TUSC3: variants seen among roughly 807,000 people sequenced by gnomAD.
TUSC3 encodes the protein tumor suppressor candidate 3.
Under a neutral mutation model 44.8 loss-of-function variants are expected in TUSC3, and 45 were observed. The observed-to-expected ratio is 1.00, with a 90% CI of 0.79 to 1.29. TUSC3 has a LOEUF of 1.29. TUSC3 is among the 50% of genes most tolerant of loss of function. The probability of loss-of-function intolerance (pLI) is 0.00; values close to 1 mark genes in which losing one functional copy is unlikely to be tolerated. For missense variants in TUSC3, 519 were observed against 437.9 expected (o/e 1.19, Z -1.65); for synonymous variants, 212 against 152.9 (o/e 1.39, Z -2.85).
the TUSC3 span, among the ~76,000 whole-genome samples, chr8:15,784,667 A>G: frequency 6.6e-6 from 1 of 152,258 alleles, no homozygotes; most frequent in East Asian, 1.9e-4. Flanking sequence ...AGGCAGAGAA[A>G]GACAAATACT....
chr8:15,725,250 A>C (rs888904712), intron 6 of TUSC3, among the ~76,000 whole-genome samples: 1 of 152,166 alleles, frequency 6.6e-6, no homozygotes, highest in African/African-American at 2.4e-5. Context: ...ATTGTCTTCA[A>C]AATAGCTATT....
chr8:15,450,440 C>G (rs1012671334), intron 1 of TUSC3, among the ~76,000 whole-genome samples: 2 of 152,116 alleles, frequency 1.3e-5, no homozygotes, highest in Non-Finnish European at 2.9e-5. Flanking sequence ...AATCCCAGCA[C>G]TTGGGGAGAC....
chr8:15,542,259 G>GAA (rs772867049), intron 1 of TUSC3, among the ~76,000 whole-genome samples: 1 of 152,116 alleles, frequency 6.6e-6, no homozygotes, highest in African/African-American at 2.4e-5. Context: ...GTTATTAATA[G>GAA]AAAGGAATGT....
chr8:15,468,035 T>C (rs560415961), intron 1 of TUSC3, among the ~76,000 whole-genome samples: 1 of 152,184 alleles, frequency 6.6e-6, no homozygotes, highest in Non-Finnish European at 1.5e-5. Flanking sequence ...ATAGGTAAAA[T>C]ACTGATTAGT....
chr8:15,635,012 G>C (rs35920749), intron 2 of TUSC3, among the ~76,000 whole-genome samples: 30,573 of 152,050 alleles, frequency 0.2, 3,967 homozygotes, highest in Non-Finnish European at 0.29. Flanking sequence ...AGTAAAACAA[G>C]AGAACTCAGT....
chr8:15,593,322 G>A (rs1025878567), intron 1 of TUSC3, among the ~76,000 whole-genome samples: 6 of 152,058 alleles, frequency 3.9e-5, no homozygotes, highest in Non-Finnish European at 8.8e-5. Context: ...CTGACCTCAG[G>A]TGATCCGCCC....
chr8:15,606,194 C>T (rs542490177), intron 1 of TUSC3, among the ~76,000 whole-genome samples: 14 of 152,120 alleles, frequency 9.2e-5, no homozygotes, highest in African/African-American at 3.4e-4. Context: ...CCTGTGGTTG[C>T]TCCCATTTTA....
At chr8:15,477,538 T>C (rs544603007) in intron 1 of TUSC3, among the ~76,000 whole-genome samples, 1 of 151,920 alleles carries the variant, frequency 6.6e-6, no homozygotes, top group Non-Finnish European at 1.5e-5. Context: ...CTGGCTAACA[T>C]GGTGAAATCC....
intron 2 of TUSC3, among the ~76,000 whole-genome samples, chr8:15,503,779 A>G (rs1035724354): frequency 6.6e-6 from 1 of 152,012 alleles, no homozygotes; most frequent in African/African-American, 2.4e-5. Flanking sequence ...GAGGCGGGTG[A>G]ATCACTTGAG....
intron 6 of TUSC3, among the ~76,000 whole-genome samples, chr8:15,683,143 G>T (rs1808493304): frequency 6.6e-6 from 1 of 152,072 alleles, no homozygotes; most frequent in Non-Finnish European, 1.5e-5. Flanking sequence ...TGGTCAACTT[G>T]GGTAGTTTCT....
At chr8:15,486,732 C>T (rs187374973) in intron 2 of TUSC3, among the ~76,000 whole-genome samples, 63 of 152,256 alleles carry the variant, frequency 4.1e-4, no homozygotes, top group Non-Finnish European at 7.4e-4. Context: ...CACAAGCCAC[C>T]GCGCCTGGCC....
intron 6 of TUSC3, among the ~76,000 whole-genome samples, chr8:15,692,375 G>GTTTTTTTTTTTTTTTTTT (rs59838929): frequency 7.3e-5 from 5 of 68,346 alleles, no homozygotes; most frequent in African/African-American, 2.3e-4. Flanking sequence ...CCCCCCCTTT[G>GTTTTTTTTTTTTTTTTTT]TTTTTTTTTT....
At chr8:15,501,604 A>C (rs1028755351) in intron 2 of TUSC3, among the ~76,000 whole-genome samples, 1 of 152,306 alleles carries the variant, frequency 6.6e-6, no homozygotes, top group East Asian at 1.9e-4. Flanking sequence ...AAGAAGCTAC[A>C]ATGGTTTATG....
At chr8:15,763,985 A>T (rs1812253743) in intron 10 of TUSC3, among the ~76,000 whole-genome samples, 1 of 152,094 alleles carries the variant, frequency 6.6e-6, no homozygotes, top group African/African-American at 2.4e-5. Context: ...AGCTTTCAGC[A>T]TCTTCTCTCA....
chr8:15,621,743 A>C (rs558525340), intron 1 of TUSC3, among the ~76,000 whole-genome samples: 12 of 150,324 alleles, frequency 8.0e-5, no homozygotes, highest in Non-Finnish European at 1.6e-4. Context: ...GATCAATTTC[A>C]GTTGATGCCC....
chr8:15,470,809 T>C (rs999973030), intron 1 of TUSC3, among the ~76,000 whole-genome samples: 9 of 152,102 alleles, frequency 5.9e-5, no homozygotes, highest in Non-Finnish European at 1.0e-4. Flanking sequence ...ATTCAGGAAA[T>C]TGCTGTGTCT....
chr8:15,685,270 C>A (rs111312252), intron 6 of TUSC3, among the ~76,000 whole-genome samples: 246 of 152,134 alleles, frequency 1.6e-3, no homozygotes, highest in Non-Finnish European at 2.5e-3. Flanking sequence ...CTTCACTCAC[C>A]GCTTCCTCAG....
At chr8:15,508,555 G>A (rs1456727630) in intron 2 of TUSC3, among the ~76,000 whole-genome samples, 2 of 129,034 alleles carry the variant, frequency 1.5e-5, no homozygotes, top group East Asian at 2.6e-4. Flanking sequence ...TCCGCCTCCC[G>A]GGTTCGTGCC....
chr8:15,476,592 A>T (rs568768133), intron 1 of TUSC3, among the ~76,000 whole-genome samples: 32 of 152,362 alleles, frequency 2.1e-4, no homozygotes, highest in African/African-American at 7.5e-4. Flanking sequence ...GTGGGTGTCC[A>T]GCTTCTTGGT....
Sources: allele counts gnomAD v4.1 joint callset (sites outside exome capture counted in the v4.1 genomes callset), GRCh38; gene constraint gnomAD v4.1.1; transcripts MANE v1.5; gene names NCBI Gene and HGNC (gene_info 2026-07-23, HGNC 2026-07-21).